GABRG3: variants seen among roughly 807,000 people sequenced by gnomAD.
GABRG3 encodes the protein gamma-aminobutyric acid type A receptor subunit gamma3.
Under a neutral mutation model 48.8 loss-of-function variants are expected in GABRG3, and 25 were observed. That is an observed-to-expected ratio of 0.51 (90% CI 0.37 to 0.72). GABRG3 has a LOEUF of 0.72. Ranked by LOEUF, GABRG3 falls within the 30% of genes least tolerant of loss-of-function variation. The pLI, the probability that GABRG3 is intolerant of heterozygous loss-of-function variation, is 0.00. For synonymous variants in GABRG3, 227 were observed against 217.6 expected (o/e 1.04, Z -0.38); for missense variants, 394 against 577.9 (o/e 0.68, Z 3.26).
intron 5 of GABRG3, among the ~76,000 whole-genome samples, chr15:27,353,425 TC>T (rs1200068567): frequency 5.1e-4 from 75 of 147,734 alleles, no homozygotes; most frequent in Middle Eastern, 3.5e-3. Flanking sequence ...TTTCTTTCTT[TC>T]TATTTATTTA....
chr15:27,142,056 A>T (rs1055146804), intron 3 of GABRG3, among the ~76,000 whole-genome samples: 2 of 152,256 alleles, frequency 1.3e-5, no homozygotes, highest in Non-Finnish European at 2.9e-5. Flanking sequence ...TGATTTTAAA[A>T]GTATTTCAGA....
chr15:27,029,146 G>T (rs1401791347), intron 3 of GABRG3, among the ~76,000 whole-genome samples: 1 of 152,190 alleles, frequency 6.6e-6, no homozygotes, highest in Non-Finnish European at 1.5e-5. Flanking sequence ...ACTTCACTTA[G>T]TCCAGTTGGT....
At chr15:26,978,466 A>G (rs987748252) in intron 2 of GABRG3, among the ~76,000 whole-genome samples, 1 of 152,058 alleles carries the variant, frequency 6.6e-6, no homozygotes, top group Non-Finnish European at 1.5e-5. Context: ...CATCCTTTAC[A>G]TTTTAATTTG....
intron 3 of GABRG3, among the ~76,000 whole-genome samples, chr15:27,158,833 C>T (rs976376128): frequency 6.6e-6 from 1 of 152,154 alleles, no homozygotes; most frequent in African/African-American, 2.4e-5. Flanking sequence ...TGAAATTTTT[C>T]GTATGGCAAA....
chr15:27,318,966 G>A (rs1436296963), intron 3 of GABRG3, among the ~76,000 whole-genome samples: 1 of 152,146 alleles, frequency 6.6e-6, no homozygotes. Flanking sequence ...TGTACAGCAG[G>A]GAGCCTATAG....
chr15:27,318,701 GT>G (rs1391758140), intron 3 of GABRG3, among the ~76,000 whole-genome samples: 1 of 152,198 alleles, frequency 6.6e-6, no homozygotes, highest in African/African-American at 2.4e-5. Flanking sequence ...CCTTCACACT[GT>G]TTCTAGCTGT....
At chr15:27,172,875 T>C in intron 3 of GABRG3, among the ~76,000 whole-genome samples, 1 of 152,274 alleles carries the variant, frequency 6.6e-6, no homozygotes, top group Non-Finnish European at 1.5e-5. Context: ...CCAGGTCTGT[T>C]CACCTGGAAG....
In GABRG3 at chr15:27,527,413, G is replaced by T. The variant is rs1272606837; in HGVS notation, c.866-20G>T. On this transcript the variant is annotated intron_variant, in intron 7 of 9. Transcript: ENST00000615808. The stretch of plus-strand genomic sequence containing the variant: ...TGCGTGTTGCACCCTTTTACAACAT[G>T]CTACCCGTCCCCTGTTCAGGCATCA... The T allele has an allele frequency of 6.2e-7, 1 of 1,607,750 alleles. No individual in the cohort carries two copies. The highest frequency in any genetic ancestry group is 8.5e-7 in the Non-Finnish European group (1 of 1,176,364).
chr15:27,153,473 G>A (rs1452045981), intron 3 of GABRG3, among the ~76,000 whole-genome samples: 1 of 152,016 alleles, frequency 6.6e-6, no homozygotes, highest in African/African-American at 2.4e-5. Flanking sequence ...TAGGTACTTT[G>A]CTTTTACCTA....
At chr15:27,020,718 G>A (rs1411968614) in intron 2 of GABRG3, among the ~76,000 whole-genome samples, 1 of 152,080 alleles carries the variant, frequency 6.6e-6, no homozygotes, top group Non-Finnish European at 1.5e-5. Flanking sequence ...CGCCCGGCCT[G>A]TTGTTTTCTA....
At chr15:27,181,820 T>A (rs1343761733) in intron 3 of GABRG3, among the ~76,000 whole-genome samples, 1 of 152,096 alleles carries the variant, frequency 6.6e-6, no homozygotes, top group Non-Finnish European at 1.5e-5. Context: ...CTAAGATGTT[T>A]CTGGGCTTTT....
At chr15:27,177,322 C>G (rs1887779819) in intron 3 of GABRG3, among the ~76,000 whole-genome samples, 3 of 152,188 alleles carry the variant, frequency 2.0e-5, no homozygotes, top group Admixed American at 2.0e-4. Context: ...GTGTTGTTAT[C>G]TAAAGGAGCA....
intron 3 of GABRG3, among the ~76,000 whole-genome samples, chr15:27,158,963 T>C (rs981912174): frequency 6.6e-6 from 1 of 152,290 alleles, no homozygotes; most frequent in Non-Finnish European, 1.5e-5. Context: ...TCCACCAAAG[T>C]GCTGTACTTC....
At chr15:27,461,599 C>T (rs1360350675) in intron 5 of GABRG3, among the ~76,000 whole-genome samples, 2 of 152,178 alleles carry the variant, frequency 1.3e-5, no homozygotes, top group Non-Finnish European at 2.9e-5. Context: ...CTTTTATTCC[C>T]TTATTTGGCC....
chr15:27,332,379 T>C (rs1566790154), intron 5 of GABRG3, among the ~76,000 whole-genome samples: 1 of 152,046 alleles, frequency 6.6e-6, no homozygotes, highest in Non-Finnish European at 1.5e-5. Context: ...CCGGGCATAG[T>C]GGCATGTGCC....
intron 2 of GABRG3, among the ~76,000 whole-genome samples, chr15:27,008,631 G>A (rs1182265414): frequency 7.3e-6 from 1 of 137,462 alleles, no homozygotes; most frequent in African/African-American, 2.5e-5. Flanking sequence ...TCAGGTGCTG[G>A]CAGCTTTTTT....
At chr15:27,336,271 G>GAAAA (rs1893972115) in intron 5 of GABRG3, among the ~76,000 whole-genome samples, 1 of 149,962 alleles carries the variant, frequency 6.7e-6, no homozygotes, top group African/African-American at 2.5e-5. Context: ...AAGAAAGAAA[G>GAAAA]GAAGGAGAGA....
intron 5 of GABRG3, among the ~76,000 whole-genome samples, chr15:27,464,800 GA>G (rs1889554703): frequency 1.3e-5 from 2 of 151,966 alleles, no homozygotes; most frequent in South Asian, 4.2e-4. Flanking sequence ...TTTTTAAATG[GA>G]CTATTTGTCT....
chr15:27,329,957 T>C (rs924359015), intron 5 of GABRG3, among the ~76,000 whole-genome samples: 1 of 152,184 alleles, frequency 6.6e-6, no homozygotes, highest in Non-Finnish European at 1.5e-5. Flanking sequence ...AAATTGCATA[T>C]GGGGCTGGGC....
Sources: gnomAD v4.1 joint callset for allele counts (sites outside exome capture counted in the v4.1 genomes callset) on GRCh38, gnomAD v4.1.1 for gene constraint, MANE v1.5 for transcripts, NCBI Gene and HGNC (gene_info 2026-07-23, HGNC 2026-07-21) for gene names.